STARD3NL: variants seen among roughly 807,000 people sequenced by gnomAD.
STARD3NL encodes the protein STARD3 N-terminal-like protein.
In STARD3NL, 17 loss-of-function variants were observed where a neutral mutation model predicts 30.9. The observed-to-expected ratio is 0.55, with a 90% CI of 0.38 to 0.82. The LOEUF (loss-of-function observed/expected upper bound fraction) is 0.82, where lower values mean the gene tolerates loss of function less well. Among genes scored for constraint, STARD3NL ranks in the 40% least tolerant of loss-of-function variants. The probability of loss-of-function intolerance (pLI) is 0.00; values close to 1 mark genes in which losing one functional copy is unlikely to be tolerated. For synonymous variants in STARD3NL, 112 were observed against 100.5 expected (o/e 1.11, Z -0.69); for missense variants, 234 against 277.6 (o/e 0.84, Z 1.12).
intron 1 of STARD3NL, among the ~76,000 whole-genome samples, chr7:38,180,653 T>A (rs1181518107): frequency 6.6e-6 from 1 of 152,230 alleles, no homozygotes; most frequent in Non-Finnish European, 1.5e-5. Flanking sequence ...ATGGAGCTTG[T>A]ATTTGAACTC....
At chr7:38,192,853 G>C (rs1422290150) in intron 1 of STARD3NL, among the ~76,000 whole-genome samples, 1 of 149,350 alleles carries the variant, frequency 6.7e-6, no homozygotes, top group Non-Finnish European at 1.5e-5. Context: ...AGCCCCTGAA[G>C]ATCGGGCGCA....
intron 1 of STARD3NL, among the ~76,000 whole-genome samples, chr7:38,192,026 T>G (rs7806250): frequency 0.012 from 1,882 of 152,296 alleles, 51 homozygotes; most frequent in African/African-American, 0.044. Flanking sequence ...ATGGTATATC[T>G]CACGATTTAT....
intron 1 of STARD3NL, among the ~76,000 whole-genome samples, chr7:38,201,178 T>A (rs1424557667): frequency 6.6e-6 from 1 of 152,214 alleles, no homozygotes; most frequent in African/African-American, 2.4e-5. Context: ...CAGAGAAAGA[T>A]CAGTTTGATT....
chr7:38,228,814 A>C lies in STARD3NL; in HGVS notation c.665A>C (p.Glu222Ala), dbSNP rs144429501. ...CACCACGTAGGATCTGAAGAAGCTGAAGAAAAACAGGACAGTGAGAAACCA... is the reference window on the plus strand; with the variant it reads ...CACCACGTAGGATCTGAAGAAGCTGCAGAAAAACAGGACAGTGAGAAACCA... ...PESEAGSEEA[E>A]EKQDSEKPLL... Residue 222 changes from glutamate to alanine, a missense_variant, in exon 8 of 9, where the codon GAA (glutamate) becomes GCA (alanine). Transcript: ENST00000009041. 4.3e-6 allele frequency: 7 copies of C among 1,612,782 alleles called. No individual in the cohort carries two copies. The highest frequency in any genetic ancestry group is 5.9e-6 in the Non-Finnish European group (7 of 1,179,336).
intron 7 of STARD3NL, among the ~76,000 whole-genome samples, chr7:38,222,092 G>A (rs1344278497): frequency 5.9e-5 from 9 of 151,730 alleles, no homozygotes; most frequent in Non-Finnish European, 1.3e-4. Flanking sequence ...GTAAACTTGA[G>A]TTAGAGACTA....
At chr7:38,215,221 C>T in intron 4 of STARD3NL, 116 bp downstream of exon 4, 2 of 921,322 alleles carry the variant, frequency 2.2e-6, no homozygotes, top group South Asian at 2.9e-5. Flanking sequence ...ATCCCACCAG[C>T]TTTCCTGAGT....
intron 6 of STARD3NL, among the ~76,000 whole-genome samples, chr7:38,218,119 T>A (rs1414969621): frequency 6.6e-6 from 1 of 152,156 alleles, no homozygotes; most frequent in African/African-American, 2.4e-5. Context: ...CCACCCATCT[T>A]AAAGGTGAAA....
At chr7:38,212,158 C>A (rs1192159180) in intron 2 of STARD3NL, among the ~76,000 whole-genome samples, 1 of 152,192 alleles carries the variant, frequency 6.6e-6, no homozygotes, top group African/African-American at 2.4e-5. Context: ...TACAGCTCTT[C>A]ACTGGCAGGC....
rs1466674037 is a variant in STARD3NL, at chr7:38,197,878, C to A, written c.-58-9569C>A. Reference sequence around the variant, plus strand: ...GGTTATTCCCTCACTGTTCCCATTTCCTACTTCTAGCTGCTTCACCTCGGA... The same window carrying A: ...GGTTATTCCCTCACTGTTCCCATTTACTACTTCTAGCTGCTTCACCTCGGA... On this transcript the variant is annotated intron_variant, in intron 1 of 8. Coordinates refer to ENST00000009041, the MANE Select transcript of STARD3NL (RefSeq NM_032016.4). Among the ~76,000 whole-genome samples, 3 of 152,314 alleles carry A rather than the reference C, an allele frequency of 2.0e-5. No homozygotes were observed. In the East Asian group the frequency reaches 5.8e-4, roughly 29 times the overall value.
At chr7:38,197,521 G>C (rs1464942079) in intron 1 of STARD3NL, among the ~76,000 whole-genome samples, 1 of 152,094 alleles carries the variant, frequency 6.6e-6, no homozygotes, top group African/African-American at 2.4e-5. Context: ...CTTTTTTTAA[G>C]AATAGCTTAT....
intron 2 of STARD3NL, among the ~76,000 whole-genome samples, chr7:38,209,424 A>G (rs922760941): frequency 1.1e-4 from 16 of 152,044 alleles, no homozygotes; most frequent in African/African-American, 3.9e-4. Flanking sequence ...CTGGGACTAC[A>G]GGGCGCACAC....
intron 1 of STARD3NL, among the ~76,000 whole-genome samples, chr7:38,197,133 C>CTTTTTTCTTTCTTTCTTTCT (rs1273155622): frequency 1.1e-5 from 1 of 92,550 alleles, no homozygotes; most frequent in Admixed American, 1.1e-4. Context: ...ATAGCATTAC[C>CTTTTTTCTTTCTTTCTTTCT]TTTTTTCTTT....
chr7:38,208,481 A>G (rs535404707), intron 2 of STARD3NL, among the ~76,000 whole-genome samples: 21 of 152,336 alleles, frequency 1.4e-4, no homozygotes, highest in Non-Finnish European at 2.2e-4. Context: ...TAAAAATCAA[A>G]CAGATGAAAC....
intron 7 of STARD3NL, among the ~76,000 whole-genome samples, chr7:38,228,118 C>G (rs1218884660): frequency 6.6e-6 from 1 of 152,096 alleles, no homozygotes; most frequent in Non-Finnish European, 1.5e-5. Flanking sequence ...GTTATAAATT[C>G]TATATAACCA....
intron 4 of STARD3NL, 84 bp downstream of exon 4, chr7:38,215,189 A>G: frequency 7.5e-7 from 1 of 1,327,288 alleles, no homozygotes; most frequent in African/African-American, 1.4e-5. Flanking sequence ...CTGGGAGAAG[A>G]TACAGTTCTA....
intron 4 of STARD3NL, chr7:38,215,820 TGA>T (rs1273966501): frequency 6.6e-6 from 1 of 152,268 alleles, no homozygotes; most frequent in Non-Finnish European, 1.5e-5. Flanking sequence ...AATTAGAGGG[TGA>T]GAGCTCGGGT....
intron 1 of STARD3NL, among the ~76,000 whole-genome samples, chr7:38,181,823 A>G (rs1371386699): frequency 1.3e-5 from 2 of 152,134 alleles, no homozygotes; most frequent in African/African-American, 2.4e-5. Flanking sequence ...CCATGAGCCT[A>G]GTGCCCCAAA....
At chr7:38,215,183 G>T in intron 4 of STARD3NL, 78 bp downstream of exon 4, 1 of 1,374,698 alleles carries the variant, frequency 7.3e-7, no homozygotes, top group Non-Finnish European at 1.0e-6. Context: ...CCTGGGCTGG[G>T]AGAAGATACA....
chr7:38,194,129 A>G (rs1023978312), intron 1 of STARD3NL, among the ~76,000 whole-genome samples: 12 of 152,268 alleles, frequency 7.9e-5, no homozygotes, highest in Middle Eastern at 3.4e-3. Context: ...TGTAATTTAT[A>G]TATTTCCAGA....
Sources: gnomAD v4.1 joint callset for allele counts (sites outside exome capture counted in the v4.1 genomes callset) on GRCh38, gnomAD v4.1.1 for gene constraint, MANE v1.5 for transcripts, NCBI Gene and HGNC (gene_info 2026-07-23, HGNC 2026-07-21) for gene names.